Variants in SNRNP48 observed in about 807,000 individuals in gnomAD.
SNRNP48 encodes the protein U11/U12 small nuclear ribonucleoprotein 48 kDa protein.
In SNRNP48, 43 loss-of-function variants were observed where a neutral mutation model predicts 47.0. The observed-to-expected ratio is 0.92, with a 90% CI of 0.72 to 1.18. SNRNP48 has a LOEUF of 1.18. SNRNP48 is among the 50% of genes most tolerant of loss of function. The pLI, the probability that SNRNP48 is intolerant of heterozygous loss-of-function variation, is 0.00. For synonymous variants in SNRNP48, 138 were observed against 144.0 expected, an observed-to-expected ratio of 0.96 and a Z score of 0.30; for missense variants, 396 against 422.2, an observed-to-expected ratio of 0.94 and a Z score of 0.54.
At chr6:7,605,817 A>T (rs1247257149) in intron 7 of SNRNP48, among the ~76,000 whole-genome samples, 2 of 152,190 alleles carry the variant, frequency 1.3e-5, no homozygotes, top group Non-Finnish European at 2.9e-5. Context: ...CCAAGGTCTC[A>T]TTGCAAAAAT....
intron 6 of SNRNP48, among the ~76,000 whole-genome samples, chr6:7,604,144 G>T (rs1007874437): frequency 6.6e-6 from 1 of 152,184 alleles, no homozygotes; most frequent in African/African-American, 2.4e-5. Flanking sequence ...TGTGCAAATA[G>T]CAGGCTTCAA....
chr6:7,606,046 A>C lies in SNRNP48; in HGVS notation c.822A>C (p.Arg274=), dbSNP rs988706052. 1.3e-6 allele frequency: 2 copies of C among 1,595,948 alleles called. No individual in the cohort carries two copies. The highest frequency in any genetic ancestry group is 2.7e-5 in the African/African-American group (2 of 73,314). ...TGTGTTTTAGGAATGAAGAAAGGCG[A>C]TCAGCTTCAGTAGATTCACGGCAGT... ...EDDAEKNEER[R]SASVDSRQSG... The change falls in exon 8 of 9, where the codon CGA becomes CGC. Residue 274 remains arginine (R), a synonymous_variant. Coordinates refer to ENST00000342415, the MANE Select transcript of SNRNP48 (RefSeq NM_152551.4).
Position 7,598,022 on chromosome 6 carries a change from G to C in SNRNP48, c.406+2921G>C, listed in dbSNP as rs143290251. 2.7e-3 allele frequency among the ~76,000 whole-genome samples: 407 copies of C among 151,440 alleles called. 2 individuals are homozygous for C. The highest frequency in any genetic ancestry group is 9.4e-3 in the African/African-American group (390 of 41,390). On this transcript the variant is annotated intron_variant, in intron 4 of 8. Coordinates refer to ENST00000342415, the MANE Select transcript of SNRNP48 (RefSeq NM_152551.4). ...TGGGACTACAGGCACCTGCCACCAC[G>C]CCTGGCTAATTTTCTTGTATTTTTT...
intron 4 of SNRNP48, among the ~76,000 whole-genome samples, chr6:7,597,598 A>C (rs894089668): frequency 2.6e-5 from 4 of 152,230 alleles, no homozygotes; most frequent in African/African-American, 7.2e-5. Flanking sequence ...CTATGGTCTA[A>C]GTGAAAATTA....
chr6:7,605,037 C>T (rs1760099116), intron 6 of SNRNP48, among the ~76,000 whole-genome samples: 1 of 152,072 alleles, frequency 6.6e-6, no homozygotes, highest in Non-Finnish European at 1.5e-5. Context: ...GCACATTTTT[C>T]ACTCTCTCGA....
At position 7,606,178 on chromosome 6, in the gene SNRNP48, G is replaced by C. The variant is rs139179081; in HGVS notation, c.954G>C (p.Ser318=). The change falls in exon 8 of 9, where the codon TCG becomes TCC. Residue 318 remains serine (S), a synonymous_variant. Coordinates refer to ENST00000342415, the MANE Select transcript of SNRNP48 (RefSeq NM_152551.4). The part of the protein sequence containing the change: ...RNKDKDKNCE[S]RRRKERDGER... ...AAGATAAGGATAAAAACTGTGAGTC[G>C]AGAAGAAGGAAAGAGAGGTGGGTCT... is the stretch of plus-strand genomic sequence containing the variant. 4.6e-3 allele frequency: 7,428 copies of C among 1,610,586 alleles called. 35 individuals are homozygous for C. Among genetic ancestry groups the C allele is most frequent in the Non-Finnish European group, 5.7e-3 (6,741 of 1,178,832 alleles).
intron 4 of SNRNP48, among the ~76,000 whole-genome samples, chr6:7,598,575 A>G (rs1012094510): frequency 1.5e-4 from 23 of 152,156 alleles, no homozygotes; most frequent in African/African-American, 5.3e-4. Context: ...TGGCTCACTT[A>G]TGTCTTAGAC....
chr6:7,598,533 G>C (rs1759950512), intron 4 of SNRNP48, among the ~76,000 whole-genome samples: 1 of 152,090 alleles, frequency 6.6e-6, no homozygotes, highest in African/African-American at 2.4e-5. Context: ...ATCCTCTGTA[G>C]AGTTATGCAA....
chr6:7,593,661 G>T lies in SNRNP48; in HGVS notation c.157-73G>T, dbSNP rs981428749. ...TACAGTACTGGTACATAATTAAATG[G>T]TAAACATTTAATGGTAATTATTTAT... On this transcript the variant is annotated intron_variant, in intron 1 of 8. Transcript: ENST00000342415. 10 of 954,622 alleles carry T rather than the reference G, an allele frequency of 1.0e-5. No individual in the cohort carries two copies. In the South Asian group the frequency reaches 1.2e-4, roughly 12 times the overall value. 59.1% of individuals were successfully genotyped at this position (954,622 alleles called of 1,614,324 possible). A position where few individuals can be genotyped will look rare whatever the true frequency, so the allele number is the denominator to read the frequency against.
Position 7,590,202 on chromosome 6 carries a change from G to A in SNRNP48, c.-56G>A. 1.6e-6 allele frequency: 2 copies of A among 1,262,354 alleles called. No homozygotes were observed. The highest frequency in any genetic ancestry group is 2.0e-6 in the Non-Finnish European group (2 of 996,294). The allele number at this position is 1,262,354 out of a possible 1,614,324, so 78.2% of individuals were successfully genotyped here. Reference sequence around the variant, plus strand: ...GTGGCCCCGCCCACAGCTCCCAGAGGCCTGCGCGTGCGGTCTGCAGTTCGG... The same window carrying A: ...GTGGCCCCGCCCACAGCTCCCAGAGACCTGCGCGTGCGGTCTGCAGTTCGG... On this transcript the variant is annotated 5_prime_UTR_variant, in exon 1 of 9. Transcript: ENST00000342415.
At position 7,590,282 on chromosome 6, in the gene SNRNP48, G is replaced by T; in HGVS notation, c.25G>T (p.Glu9Ter). MEGEPPPV[E>*]ERRRLQEELN... is the part of the protein sequence containing the mutation. ...TATGGAGGGCGAGCCTCCACCTGTG[G>T]AGGAGCGGCGGCGGCTGCAGGAGGA... is the stretch of plus-strand genomic sequence containing the variant. Residue 9 changes from glutamate (E) to a stop codon, truncating the protein, a stop_gained, in exon 1 of 9, where the codon GAG (glutamate) becomes TAG (stop). Transcript: ENST00000342415. LOFTEE classifies it high-confidence loss of function. 7.3e-7 allele frequency: 1 copy of T among 1,375,472 alleles called. No individual in the cohort carries two copies. Among genetic ancestry groups the T allele is most frequent in the South Asian group, 2.0e-5 (1 of 50,216 alleles). 85.2% of individuals were successfully genotyped at this position (1,375,472 alleles called of 1,614,324 possible).
intron 4 of SNRNP48, among the ~76,000 whole-genome samples, chr6:7,597,338 A>G (rs1484643744): frequency 6.6e-6 from 1 of 152,216 alleles, no homozygotes. Context: ...GATGTCTTTC[A>G]TGATTAAGTG....
At chr6:7,603,800 C>A (rs531152311) in intron 6 of SNRNP48, among the ~76,000 whole-genome samples, 2 of 152,244 alleles carry the variant, frequency 1.3e-5, no homozygotes, top group African/African-American at 4.8e-5. Context: ...CCCTGTCATA[C>A]TACCTTGGTG....
intron 1 of SNRNP48, among the ~76,000 whole-genome samples, chr6:7,593,065 C>G (rs1759846940): frequency 1.3e-5 from 2 of 151,798 alleles, no homozygotes; most frequent in African/African-American, 4.8e-5. Flanking sequence ...ATATACGGTA[C>G]TGGAGAGAAA....
Position 7,609,053 on chromosome 6 carries a change from C to T in SNRNP48, c.*180C>T, listed in dbSNP as rs1760184291. On this transcript the variant is annotated 3_prime_UTR_variant, in exon 9 of 9. Coordinates refer to ENST00000342415, the MANE Select transcript of SNRNP48 (RefSeq NM_152551.4). ...GTAAATATGCTTCAAACCATGAGTA[C>T]ACTATTAGGCCCTACAACTTTGTTT... 2 of 341,172 alleles carry T rather than the reference C, an allele frequency of 5.9e-6. No homozygotes were observed. The highest frequency in any genetic ancestry group is 8.4e-5 in the East Asian group (2 of 23,822). 21.1% of individuals were successfully genotyped at this position (341,172 alleles called of 1,614,324 possible). A position where few individuals can be genotyped will look rare whatever the true frequency, so the allele number is the denominator to read the frequency against.
rs976176682 is a variant in SNRNP48, at chr6:7,609,692, T to A, written c.*819T>A. The A allele has an allele frequency of 1.4e-4, 21 of 152,176 alleles. No homozygotes were observed. The highest frequency in any genetic ancestry group is 6.2e-4 in the South Asian group (3 of 4,820). The allele number at this position is 152,176 out of a possible 1,614,324, so 9.4% of individuals were successfully genotyped here. On this transcript the variant is annotated 3_prime_UTR_variant, in exon 9 of 9. Coordinates refer to ENST00000342415, the MANE Select transcript of SNRNP48 (RefSeq NM_152551.4). ...GCTTTATCCATAACATTAATTTTTT[T>A]AAAAAATAAGGTCTTAATGTTTCAT...
intron 1 of SNRNP48, among the ~76,000 whole-genome samples, chr6:7,591,143 G>T (rs1759809901): frequency 6.6e-6 from 1 of 152,198 alleles, no homozygotes; most frequent in Non-Finnish European, 1.5e-5. Flanking sequence ...CAGATTCGGT[G>T]TCAGGAGAGC....
chr6:7,593,296 A>T (rs1450988207), intron 1 of SNRNP48, among the ~76,000 whole-genome samples: 3 of 152,244 alleles, frequency 2.0e-5, no homozygotes, highest in East Asian at 3.9e-4. Flanking sequence ...TAGAAAGAAC[A>T]TGAGGGGTGT....
chr6:7,601,431 G>T lies in SNRNP48; in HGVS notation c.502G>T (p.Val168Leu), dbSNP rs141422613. ...TGATCGTCTTGCCCTCTATGATTTC[G>T]TAGTTGAGGAGACAAAGAAAAAGCG... ...QADRLALYDF[V>L]VEETKKKRSD... is the part of the protein sequence containing the mutation. The change falls in exon 5 of 9, where the codon GTA (valine) becomes TTA (leucine). Residue 168 changes from valine to leucine, a missense_variant. By Grantham distance (32) the Val-to-Leu change is conservative. Transcript: ENST00000342415. 8 of 1,604,174 alleles carry T rather than the reference G, an allele frequency of 5.0e-6. No homozygotes were observed. Among genetic ancestry groups the T allele is most frequent in the Non-Finnish European group, 6.8e-6 (8 of 1,178,034 alleles).
Sources: gnomAD v4.1 joint callset for allele counts (sites outside exome capture counted in the v4.1 genomes callset) on GRCh38, gnomAD v4.1.1 for gene constraint, MANE v1.5 for transcripts, NCBI Gene and HGNC (gene_info 2026-07-23, HGNC 2026-07-21) for gene names.